GLIPR1L1: variants seen among roughly 807,000 people sequenced by gnomAD.
GLIPR1L1 encodes GLIPR1 like 1, also known as GLIPR1-like protein 1.
Under a neutral mutation model 29.9 loss-of-function variants are expected in GLIPR1L1, and 26 were observed. The ratio of observed to expected loss-of-function variants is 0.87; its 90% CI spans 0.64 to 1.21. GLIPR1L1 has a LOEUF of 1.21. Among genes scored for constraint, GLIPR1L1 ranks in the 50% most tolerant of loss-of-function variants. The pLI, the probability that GLIPR1L1 is intolerant of heterozygous loss-of-function variation, is 0.00. For missense variants in GLIPR1L1, 305 were observed against 290.3 expected, an observed-to-expected ratio of 1.05 and a Z score of -0.37; for synonymous variants, 77 against 97.5, an observed-to-expected ratio of 0.79 and a Z score of 1.24.
chr12:75,354,853 A>G (rs1275099678), intron 3 of GLIPR1L1, among the ~76,000 whole-genome samples: 1 of 152,220 alleles, frequency 6.6e-6, no homozygotes, highest in East Asian at 1.9e-4. Flanking sequence ...AGTCTTCAAC[A>G]AACCTGACAA....
chr12:75,342,897 AAATTT>A (rs1593685169), intron 1 of GLIPR1L1, among the ~76,000 whole-genome samples: 1 of 152,040 alleles, frequency 6.6e-6, no homozygotes, highest in Admixed American at 6.5e-5. Context: ...ATCACTTATT[AAATTT>A]ATTTATACAT....
At position 75,347,691 on chromosome 12, in the gene GLIPR1L1, A is replaced by G. The variant is rs758296765; in HGVS notation, c.490A>G (p.Thr164Ala). Reference sequence around the variant, plus strand: ...GTGTCCTAACCTTGGGGGAGCTTCAACTGCAATATTTGTATGCAACTACGG... The same window carrying G: ...GTGTCCTAACCTTGGGGGAGCTTCAGCTGCAATATTTGTATGCAACTACGG... The part of the protein sequence containing the change: ...AMCPNLGGAS[T>A]AIFVCNYGPA... Residue 164 changes from threonine to alanine, a missense_variant, in exon 3 of 6, where the codon ACT becomes GCT. Physicochemically the swap from Thr to Ala is moderately conservative, Grantham distance 58. Coordinates refer to ENST00000378695, the MANE Select transcript of GLIPR1L1 (RefSeq NM_001304964.2). 6 of 1,605,692 alleles carry G rather than the reference A, an allele frequency of 3.7e-6. No individual in the cohort carries two copies. The highest frequency in any genetic ancestry group is 3.3e-5 in the Admixed American group (2 of 59,748).
chr12:75,357,840 A>G (rs2043253125), intron 3 of GLIPR1L1, among the ~76,000 whole-genome samples: 1 of 151,918 alleles, frequency 6.6e-6, no homozygotes, highest in Admixed American at 6.6e-5. Context: ...ACGGGATGCT[A>G]TTAAAACAGT....
At chr12:75,339,242 T>A (rs1229871212) in intron 1 of GLIPR1L1, among the ~76,000 whole-genome samples, 1 of 152,202 alleles carries the variant, frequency 6.6e-6, no homozygotes, top group Non-Finnish European at 1.5e-5. Context: ...GTTCCTTTTT[T>A]TCCCGCAACA....
intron 3 of GLIPR1L1, among the ~76,000 whole-genome samples, chr12:75,349,865 G>A (rs1386411268): frequency 6.6e-6 from 1 of 152,136 alleles, no homozygotes; most frequent in African/African-American, 2.4e-5. Flanking sequence ...ATCCATAGAG[G>A]AAAAAATATC....
intron 3 of GLIPR1L1, among the ~76,000 whole-genome samples, chr12:75,357,099 A>T (rs1224690687): frequency 3.3e-5 from 5 of 152,204 alleles, no homozygotes; most frequent in Admixed American, 2.6e-4. Context: ...CTGAGGTGGT[A>T]GTATAAGTAA....
rs565635902 is a variant in GLIPR1L1 at position 75,341,098 on chromosome 12, C to T, written c.175-2595C>T. 3.3e-5 allele frequency among the ~76,000 whole-genome samples: 5 copies of T among 151,954 alleles called. No homozygotes were observed. In the South Asian group the frequency reaches 1.0e-3, roughly 32 times the overall value. The stretch of plus-strand genomic sequence containing the variant: ...AGACTTGCAATTGCACTTCTGGGCA[C>T]TTTTTCCTTTTTCTTTTTTCCTAGA... On this transcript the variant is annotated intron_variant, in intron 1 of 5. Transcript: ENST00000378695.
intron 3 of GLIPR1L1, among the ~76,000 whole-genome samples, chr12:75,355,137 A>G (rs903751188): frequency 1.3e-5 from 2 of 152,246 alleles, no homozygotes; most frequent in African/African-American, 4.8e-5. Context: ...AATGGGATCA[A>G]TTAAACTAAA....
At chr12:75,342,206 G>C (rs569287560) in intron 1 of GLIPR1L1, among the ~76,000 whole-genome samples, 1 of 152,084 alleles carries the variant, frequency 6.6e-6, no homozygotes, top group South Asian at 2.1e-4. Flanking sequence ...TAGATATTGT[G>C]GGAGTGATTA....
chr12:75,338,418 C>T (rs1323842502), intron 1 of GLIPR1L1, among the ~76,000 whole-genome samples: 1 of 152,096 alleles, frequency 6.6e-6, no homozygotes, highest in African/African-American at 2.4e-5. Context: ...GTCTGCCACT[C>T]TTCATAGATT....
Position 75,334,919 on chromosome 12 carries a change from GC to G in GLIPR1L1, c.174+18del, listed in dbSNP as rs1249831058. ...AAATACATGGTGAGAAAGAACCAGG[GC>G]TGGGCTCTTAAATCCCTGACTCATC... On this transcript the variant is annotated intron_variant, in intron 1 of 5. Transcript: ENST00000378695. 1 of 1,609,480 alleles carries G rather than the reference GC, an allele frequency of 6.2e-7. No homozygotes were observed. The highest frequency in any genetic ancestry group is 2.2e-5 in the East Asian group (1 of 44,880).
intron 3 of GLIPR1L1, 61 bp from the exon 4 acceptor site, chr12:75,363,041 C>A (rs996904511): frequency 1.4e-5 from 11 of 788,780 alleles, no homozygotes; most frequent in Non-Finnish European, 2.1e-5. Flanking sequence ...TGCATACATG[C>A]ATGAACAAAA....
chr12:75,362,929 T>C lies in GLIPR1L1; in HGVS notation c.522-173T>C, dbSNP rs74108725. Among the ~76,000 whole-genome samples the C allele has an allele frequency of 4.6e-3, 706 of 152,310 alleles. 7 individuals are homozygous for C. Among genetic ancestry groups the C allele is most frequent in the African/African-American group, 0.016 (680 of 41,584 alleles). ...TCCACGTGATTCATCCTGTAAGGAA[T>C]TGTTTTAATAGCTTATTTTAACAAA... On this transcript the variant is annotated intron_variant, in intron 3 of 5. Transcript: ENST00000378695.
intron 1 of GLIPR1L1, among the ~76,000 whole-genome samples, chr12:75,338,521 T>C (rs1012671637): frequency 1.3e-5 from 2 of 152,128 alleles, no homozygotes; most frequent in African/African-American, 2.4e-5. Flanking sequence ...TTTTTTTCCA[T>C]TTTTTCCTGT....
intron 1 of GLIPR1L1, among the ~76,000 whole-genome samples, chr12:75,337,942 A>G (rs564198023): frequency 1.3e-5 from 2 of 152,234 alleles, no homozygotes; most frequent in Admixed American, 1.3e-4. Flanking sequence ...GAATGAGATC[A>G]TTCATCTGCA....
rs1361780603 is a variant in GLIPR1L1, at chr12:75,363,121, C to A, written c.541C>A (p.Pro181Thr). ...YGPAGNFANMPPYVRGESCSL... is the reference protein window; with the variant it reads ...YGPAGNFANMTPYVRGESCSL... ...TTACAGAGGAAATTTTGCAAATATG[C>A]CTCCTTACGTAAGAGGAGAATCTTG... The change falls in exon 4 of 6, where the codon CCT becomes ACT. Residue 181 changes from proline to threonine, a missense_variant. Transcript: ENST00000378695. 1.9e-6 allele frequency: 3 copies of A among 1,556,240 alleles called. No homozygotes were observed. Among genetic ancestry groups the A allele is most frequent in the Non-Finnish European group, 2.6e-6 (3 of 1,157,368 alleles).
intron 3 of GLIPR1L1, chr12:75,360,240 CTT>C (rs998854416): frequency 5.9e-5 from 9 of 152,162 alleles, no homozygotes; most frequent in Admixed American, 2.0e-4. Context: ...ATCCAAATCT[CTT>C]GTCTTTTTAC....
At chr12:75,351,875 T>G (rs2042839064) in intron 3 of GLIPR1L1, among the ~76,000 whole-genome samples, 2 of 152,102 alleles carry the variant, frequency 1.3e-5, no homozygotes, top group African/African-American at 4.8e-5. Context: ...AGAAAAAAAT[T>G]TTCAGTCTAG....
intron 3 of GLIPR1L1, among the ~76,000 whole-genome samples, chr12:75,356,610 A>G (rs1403042489): frequency 1.3e-5 from 2 of 152,200 alleles, no homozygotes; most frequent in South Asian, 2.1e-4. Context: ...AATTAACCCA[A>G]AGAAAGGCAA....
Sources: allele counts gnomAD v4.1 joint callset (sites outside exome capture counted in the v4.1 genomes callset), GRCh38; gene constraint gnomAD v4.1.1; transcripts MANE v1.5; gene names NCBI Gene and HGNC (gene_info 2026-07-23, HGNC 2026-07-21).